Variants in PALS2 observed in about 807,000 individuals in gnomAD.
The protein encoded by PALS2 is protein PALS2.
In PALS2, 27 loss-of-function variants were observed where a neutral mutation model predicts 61.6. That is an observed-to-expected ratio of 0.44 (90% CI 0.32 to 0.60). PALS2 has a LOEUF of 0.60. Ranked by LOEUF, PALS2 falls within the 20% of genes least tolerant of loss-of-function variation. PALS2 has a pLI of 0.05. For synonymous variants in PALS2, 236 were observed against 218.6 expected (o/e 1.08, Z -0.70); for missense variants, 554 against 639.4 (o/e 0.87, Z 1.44).
chr7:24,583,124 C>T (rs542813480), intron 1 of PALS2, among the ~76,000 whole-genome samples: 55 of 152,056 alleles, frequency 3.6e-4, no homozygotes, highest in African/African-American at 1.2e-3. Context: ...AACTCCTGAC[C>T]TCGTGATCTG....
intron 1 of PALS2, among the ~76,000 whole-genome samples, chr7:24,588,015 T>C (rs1425514066): frequency 6.6e-6 from 1 of 152,118 alleles, no homozygotes; most frequent in Non-Finnish European, 1.5e-5. Context: ...TCTTTGGTTG[T>C]CACACCTGGG....
At chr7:24,663,236 A>G (rs543954515) in intron 5 of PALS2, among the ~76,000 whole-genome samples, 62 of 152,342 alleles carry the variant, frequency 4.1e-4, no homozygotes, top group African/African-American at 1.3e-3. Context: ...ATTATATTTC[A>G]GGATGTTAAT....
chr7:24,573,531 G>A lies in PALS2; in HGVS notation c.-65G>A, dbSNP rs1782525131. 2.6e-6 allele frequency: 1 copy of A among 391,414 alleles called. No individual in the cohort carries two copies. Among genetic ancestry groups the A allele is most frequent in the African/African-American group, 2.1e-5 (1 of 48,014 alleles). 24.2% of individuals were successfully genotyped at this position (391,414 alleles called of 1,614,324 possible). ...GCGCCTGTGGCTGAGGGAGAGCAGCGGCGGCGGGGAGCGACCGGGAGCGGC... is the reference window on the plus strand; with the variant it reads ...GCGCCTGTGGCTGAGGGAGAGCAGCAGCGGCGGGGAGCGACCGGGAGCGGC... On this transcript the variant is annotated 5_prime_UTR_variant, in exon 1 of 12. Coordinates refer to ENST00000222644, the MANE Select transcript of PALS2 (RefSeq NM_001303037.2). This position sits in a 1 kb window ranked among gnomAD's most constrained non-coding sequence, Gnocchi z 5.3.
intron 2 of PALS2, 87 bp downstream of exon 2, chr7:24,623,871 G>T (rs1281117027): frequency 9.0e-7 from 1 of 1,109,932 alleles, no homozygotes; most frequent in South Asian, 1.6e-5. Context: ...TTTAGAATTT[G>T]GTTGATATAC....
chr7:24,640,141 C>T (rs1785449405), intron 2 of PALS2, among the ~76,000 whole-genome samples: 1 of 151,736 alleles, frequency 6.6e-6, no homozygotes, highest in African/African-American at 2.4e-5. Context: ...TCTCATAAAA[C>T]TTCTTCCTCT....
intron 1 of PALS2, among the ~76,000 whole-genome samples, chr7:24,582,946 G>A (rs1156919530): frequency 7.6e-6 from 1 of 131,044 alleles, no homozygotes; most frequent in Non-Finnish European, 1.5e-5. Flanking sequence ...GGCTGCTAGA[G>A]TGCAGTGGCG....
chr7:24,641,007 C>CAAAAAA (rs35912373), intron 2 of PALS2, among the ~76,000 whole-genome samples: 15 of 67,054 alleles, frequency 2.2e-4, no homozygotes, highest in East Asian at 1.4e-3. Context: ...GACTCCATCT[C>CAAAAAA]AAAAAAAAAA....
At chr7:24,595,958 C>T (rs373889865) in intron 1 of PALS2, among the ~76,000 whole-genome samples, 30 of 151,610 alleles carry the variant, frequency 2.0e-4, no homozygotes, top group Non-Finnish European at 4.0e-4. Context: ...CAGAAAGGAG[C>T]CCAGTGTGAC....
chr7:24,651,469 A>C (rs1786145163), intron 5 of PALS2, among the ~76,000 whole-genome samples: 1 of 152,182 alleles, frequency 6.6e-6, no homozygotes, highest in Non-Finnish European at 1.5e-5. Context: ...TTGTTTTCTC[A>C]AAAGATTGTT....
chr7:24,625,977 A>T (rs973457513), intron 2 of PALS2, among the ~76,000 whole-genome samples: 1 of 152,158 alleles, frequency 6.6e-6, no homozygotes, highest in Non-Finnish European at 1.5e-5. Context: ...AGAGGCACAC[A>T]TTGCTAGATA....
chr7:24,662,566 C>T (rs930675338), intron 5 of PALS2, among the ~76,000 whole-genome samples: 40 of 151,866 alleles, frequency 2.6e-4, no homozygotes, highest in African/African-American at 8.5e-4. Context: ...ATCAGGAGTT[C>T]GAGACCAGCC....
At position 24,649,684 on chromosome 7, in the gene PALS2, A is replaced by C. The variant is rs1786038029; in HGVS notation, c.343A>C (p.Asn115His). ...DSPPSSPEMN[N>H]SSINNQLLPV... ...ACCTCCATCAAGCCCAGAAATGAATAATTCTTCTATCAATAATCAGTTATT... is the reference window on the plus strand; with the variant it reads ...ACCTCCATCAAGCCCAGAAATGAATCATTCTTCTATCAATAATCAGTTATT... The change falls in exon 4 of 12, where the codon AAT becomes CAT. Residue 115 changes from asparagine to histidine, a missense_variant. By Grantham distance (68) the Asn-to-His change is moderately conservative. Coordinates refer to ENST00000222644, the MANE Select transcript of PALS2 (RefSeq NM_001303037.2). 6 of 1,612,144 alleles carry C rather than the reference A, an allele frequency of 3.7e-6. No individual in the cohort carries two copies. The highest frequency in any genetic ancestry group is 5.1e-6 in the Non-Finnish European group (6 of 1,179,100).
intron 11 of PALS2, among the ~76,000 whole-genome samples, chr7:24,685,930 C>T (rs1788179635): frequency 6.6e-6 from 1 of 152,148 alleles, no homozygotes; most frequent in African/African-American, 2.4e-5. Flanking sequence ...TTATATACAG[C>T]TAGCCCAGAC....
At chr7:24,677,807 G>T (rs1489140998) in intron 9 of PALS2, among the ~76,000 whole-genome samples, 2 of 152,160 alleles carry the variant, frequency 1.3e-5, no homozygotes, top group Non-Finnish European at 2.9e-5. Context: ...ACTCTTCACA[G>T]TAGTCTAAGA....
rs570076294 is a variant in PALS2, at chr7:24,618,901, G to T, written c.-2-4765G>T. Among the ~76,000 whole-genome samples the T allele has an allele frequency of 8.5e-5, 13 of 152,324 alleles. No homozygotes were observed. Among genetic ancestry groups the T allele is most frequent in the African/African-American group, 3.1e-4 (13 of 41,574 alleles). Reference sequence around the variant, plus strand: ...ATTGCCGTGGTCCTTTCTTGAAGCGGAGGAATGTGCACCAGACACTTACCG... The same window carrying T: ...ATTGCCGTGGTCCTTTCTTGAAGCGTAGGAATGTGCACCAGACACTTACCG... On this transcript the variant is annotated intron_variant, in intron 1 of 11. Coordinates refer to ENST00000222644, the MANE Select transcript of PALS2 (RefSeq NM_001303037.2). The surrounding 1 kb of genome is among the most constrained non-coding windows in gnomAD (Gnocchi z 5.1).
chr7:24,632,129 T>G (rs1294726622), intron 2 of PALS2, among the ~76,000 whole-genome samples: 2 of 152,222 alleles, frequency 1.3e-5, no homozygotes, highest in East Asian at 3.8e-4. Flanking sequence ...AATGCTCTTT[T>G]GTTAAACACA....
chr7:24,591,303 G>A lies in PALS2; in HGVS notation c.-3+17710G>A, dbSNP rs576642332. On this transcript the variant is annotated intron_variant, in intron 1 of 11. Coordinates refer to ENST00000222644, the MANE Select transcript of PALS2 (RefSeq NM_001303037.2). ...GCATAGTCTTTGGCTGTAAAAGAGG[G>A]ACAGGGTCAGGAATGGAGGATGACA... Among the ~76,000 whole-genome samples, 3 of 152,206 alleles carry A rather than the reference G, an allele frequency of 2.0e-5. No homozygotes were observed. The South Asian group carries it at 6.2e-4, about 32-fold the overall frequency.
intron 2 of PALS2, among the ~76,000 whole-genome samples, chr7:24,633,067 A>C (rs1785072076): frequency 6.6e-6 from 1 of 152,214 alleles, no homozygotes. Context: ...AAGCTATAAT[A>C]ATCAAATACA....
chr7:24,650,371 A>C (rs1001463404), intron 4 of PALS2, 114 bp from the exon 5 acceptor site: 2 of 877,078 alleles, frequency 2.3e-6, no homozygotes, highest in Admixed American at 6.0e-5. Context: ...ACATGGGAAA[A>C]GTAAGAATGA....
Sources: allele counts gnomAD v4.1 joint callset (sites outside exome capture counted in the v4.1 genomes callset), GRCh38; gene constraint gnomAD v4.1.1; non-coding constraint Gnocchi (gnomAD v3.1); transcripts MANE v1.5; gene names NCBI Gene and HGNC (gene_info 2026-07-23, HGNC 2026-07-21).